The following SEMA3E variants were observed in gnomAD, a reference collection of about 807,000 sequenced individuals.
SEMA3E encodes semaphorin-3E.
Under a neutral mutation model 93.6 loss-of-function variants are expected in SEMA3E, and 49 were observed. That is an observed-to-expected ratio of 0.52 (90% confidence interval 0.42 to 0.66). The LOEUF (loss-of-function observed/expected upper bound fraction) is 0.66, where lower values mean the gene tolerates loss of function less well. SEMA3E is among the 30% of genes least tolerant of loss of function. The probability of loss-of-function intolerance (pLI) is 0.00; values close to 1 mark genes in which losing one functional copy is unlikely to be tolerated. For synonymous variants in SEMA3E, 363 were observed against 330.7 expected, an observed-to-expected ratio of 1.10 and a Z score of -1.06; for missense variants, 906 against 964.8, an observed-to-expected ratio of 0.94 and a Z score of 0.81.
At chr7:83,639,501 T>G (rs1200231218) in intron 1 of SEMA3E, among the ~76,000 whole-genome samples, 2 of 151,842 alleles carry the variant, frequency 1.3e-5, no homozygotes, top group African/African-American at 4.8e-5. Context: ...AATTATAGCC[T>G]TTAGGAATGA....
At chr7:83,460,732 C>G (rs2115856499) in intron 4 of SEMA3E, among the ~76,000 whole-genome samples, 1 of 151,720 alleles carries the variant, frequency 6.6e-6, no homozygotes, top group South Asian at 2.1e-4. Context: ...TCTTGTATCT[C>G]TGTGCCCCGG....
chr7:83,548,056 G>C (rs1791686395), intron 1 of SEMA3E, among the ~76,000 whole-genome samples: 1 of 152,064 alleles, frequency 6.6e-6, no homozygotes, highest in South Asian at 2.1e-4. Flanking sequence ...ACATGAACCA[G>C]AGATTTAGTC....
At chr7:83,467,057 C>CTTT (rs59059670) in intron 3 of SEMA3E, among the ~76,000 whole-genome samples, 5,393 of 116,318 alleles carry the variant, frequency 0.046, 138 homozygotes, top group African/African-American at 0.066. Flanking sequence ...AATATGCAGT[C>CTTT]TTTTTTTTTT....
intron 4 of SEMA3E, among the ~76,000 whole-genome samples, chr7:83,429,839 T>C (rs1420533470): frequency 6.6e-6 from 1 of 152,160 alleles, no homozygotes; most frequent in African/African-American, 2.4e-5. Flanking sequence ...TTTGTTTTCC[T>C]ACAACATTAA....
chr7:83,493,906 A>G (rs930515848), intron 1 of SEMA3E, among the ~76,000 whole-genome samples: 2 of 151,964 alleles, frequency 1.3e-5, no homozygotes, highest in Non-Finnish European at 2.9e-5. Context: ...AGTATCCATT[A>G]TAGGTGAATA....
At chr7:83,512,284 CAAAG>C (rs1790840657) in intron 1 of SEMA3E, among the ~76,000 whole-genome samples, 3 of 152,082 alleles carry the variant, frequency 2.0e-5, no homozygotes, top group Non-Finnish European at 2.9e-5. Context: ...ACTTCCTAGA[CAAAG>C]AAAGAAAGTC....
At chr7:83,534,396 G>A (rs1791368567) in intron 1 of SEMA3E, among the ~76,000 whole-genome samples, 1 of 151,886 alleles carries the variant, frequency 6.6e-6, no homozygotes, top group Non-Finnish European at 1.5e-5. Flanking sequence ...TAAGGACTAT[G>A]GCTTTACCAT....
intron 4 of SEMA3E, among the ~76,000 whole-genome samples, chr7:83,447,784 G>C (rs148284205): frequency 6.6e-6 from 1 of 152,164 alleles, no homozygotes. Context: ...GGCCAAAGTG[G>C]TAAGTGCCGT....
chr7:83,491,010 A>T (rs1237118850), intron 1 of SEMA3E, among the ~76,000 whole-genome samples: 1 of 152,064 alleles, frequency 6.6e-6, no homozygotes, highest in Non-Finnish European at 1.5e-5. Context: ...TTTGGTGATG[A>T]GAGAGAATAA....
At chr7:83,624,501 G>GT (rs1793629319) in intron 1 of SEMA3E, among the ~76,000 whole-genome samples, 1 of 152,030 alleles carries the variant, frequency 6.6e-6, no homozygotes, top group African/African-American at 2.4e-5. Context: ...TCCTATGTTT[G>GT]TTGGCCACTT....
chr7:83,479,486 A>T (rs76486764), intron 2 of SEMA3E, among the ~76,000 whole-genome samples: 7,806 of 152,200 alleles, frequency 0.051, 274 homozygotes, highest in East Asian at 0.12. Context: ...AGTAACACCT[A>T]AAAATATGTA....
At chr7:83,592,422 T>C (rs1378970745) in intron 1 of SEMA3E, among the ~76,000 whole-genome samples, 3 of 151,768 alleles carry the variant, frequency 2.0e-5, no homozygotes, top group African/African-American at 7.3e-5. Context: ...AGTAGTCTTT[T>C]TGGTTTATGT....
intron 1 of SEMA3E, among the ~76,000 whole-genome samples, chr7:83,580,848 T>A (rs533756518): frequency 8.5e-5 from 13 of 152,130 alleles, no homozygotes; most frequent in African/African-American, 2.9e-4. Context: ...TGTGAATATT[T>A]GTTCAATAAA....
At chr7:83,555,663 G>T (rs1791871886) in intron 1 of SEMA3E, among the ~76,000 whole-genome samples, 1 of 152,124 alleles carries the variant, frequency 6.6e-6, no homozygotes, top group South Asian at 2.1e-4. Context: ...GAGAAAAAAG[G>T]TACCTAGAAA....
intron 1 of SEMA3E, among the ~76,000 whole-genome samples, chr7:83,555,126 G>A (rs962794622): frequency 6.6e-6 from 1 of 151,918 alleles, no homozygotes; most frequent in Non-Finnish European, 1.5e-5. Context: ...ATTAAGTACT[G>A]CTTTTCTTAC....
At chr7:83,445,704 G>A (rs1390738578) in intron 4 of SEMA3E, among the ~76,000 whole-genome samples, 3 of 152,068 alleles carry the variant, frequency 2.0e-5, no homozygotes, top group African/African-American at 4.8e-5. Flanking sequence ...GGCAACAAGA[G>A]TGAGACTTCA....
chr7:83,546,321 G>GGTGTGT lies in SEMA3E; in HGVS notation c.116-56053_116-56048dup, dbSNP rs67647992. On this transcript the variant is annotated intron_variant, in intron 1 of 16. Transcript: ENST00000643230. ...CATGTTAAGATGCATTATAATAAGG[G>GGTGTGT]GTGTGTGTGTGTGTGTGTGTGTGTG... Among the ~76,000 whole-genome samples, 750 of 129,470 alleles carry GGTGTGT rather than the reference G, an allele frequency of 5.8e-3. 5 individuals are homozygous for GGTGTGT. Among genetic ancestry groups the GGTGTGT allele is most frequent in the Middle Eastern group, 0.011 (3 of 262 alleles). 84.9% of individuals were successfully genotyped at this position (129,470 alleles called of 152,430 possible).
chr7:83,638,177 A>G (rs1389204503), intron 1 of SEMA3E, among the ~76,000 whole-genome samples: 1 of 152,182 alleles, frequency 6.6e-6, no homozygotes, highest in Non-Finnish European at 1.5e-5. Flanking sequence ...TTTAATATGT[A>G]TATTGTGTGG....
At chr7:83,545,566 A>AG (rs1413774232) in intron 1 of SEMA3E, among the ~76,000 whole-genome samples, 32 of 105,862 alleles carry the variant, frequency 3.0e-4, no homozygotes, top group African/African-American at 1.5e-3. Context: ...AAAAAAAAAA[A>AG]AAAGAAATAG....
Sources: gnomAD v4.1 joint callset for allele counts (sites outside exome capture counted in the v4.1 genomes callset) on GRCh38, gnomAD v4.1.1 for gene constraint, MANE v1.5 for transcripts, NCBI Gene and HGNC (gene_info 2026-07-23, HGNC 2026-07-21) for gene names.